Variants in PTPRG observed in about 807,000 individuals in gnomAD.
PTPRG encodes the protein receptor-type tyrosine-protein phosphatase gamma.
PTPRG carries 102 observed loss-of-function variants against 165.3 expected under a neutral mutation model. That is an observed-to-expected ratio of 0.62 (90% confidence interval 0.53 to 0.73). PTPRG has a LOEUF of 0.73. Among genes scored for constraint, PTPRG ranks in the 30% least tolerant of loss-of-function variants. The pLI, the probability that PTPRG is intolerant of heterozygous loss-of-function variation, is 0.00. For synonymous variants in PTPRG, 675 were observed against 669.5 expected (o/e 1.01, Z -0.13); for missense variants, 1,866 against 1,861.4 (o/e 1.00, Z -0.05).
At chr3:61,805,530 C>CAAAAAAAAAAAAAA (rs58646519) in intron 2 of PTPRG, among the ~76,000 whole-genome samples, 1 of 96,534 alleles carries the variant, frequency 1.0e-5, no homozygotes, top group Non-Finnish European at 2.3e-5. Context: ...ATGGGAAAGA[C>CAAAAAAAAAAAAAA]AAAAAAAAAA....
At chr3:61,625,004 T>A (rs949730771) in intron 1 of PTPRG, among the ~76,000 whole-genome samples, 3 of 152,014 alleles carry the variant, frequency 2.0e-5, no homozygotes, top group African/African-American at 7.2e-5. Flanking sequence ...TTTCTTTGGC[T>A]CGTGGATGGC....
intron 2 of PTPRG, among the ~76,000 whole-genome samples, chr3:61,892,090 G>A (rs1296447053): frequency 1.3e-5 from 2 of 152,204 alleles, no homozygotes; most frequent in East Asian, 3.9e-4. Context: ...TAATGGCTCT[G>A]TGAAGTAGTT....
At chr3:61,931,869 G>A (rs942900049) in intron 2 of PTPRG, among the ~76,000 whole-genome samples, 3 of 152,090 alleles carry the variant, frequency 2.0e-5, no homozygotes, top group Admixed American at 1.3e-4. Context: ...TAACAAAATC[G>A]TGTTTCTGTT....
At chr3:61,873,863 T>G (rs1331728541) in intron 2 of PTPRG, among the ~76,000 whole-genome samples, 1 of 152,130 alleles carries the variant, frequency 6.6e-6, no homozygotes, top group Non-Finnish European at 1.5e-5. Flanking sequence ...TTACTGGCTG[T>G]GAGATAGGAG....
In PTPRG at chr3:62,168,091, G is replaced by A. The variant is rs150839810; in HGVS notation, c.961G>A (p.Ala321Thr). Residue 321 changes from alanine (A) to threonine (T), a missense_variant, in exon 8 of 30, where the codon GCC becomes ACC. Physicochemically the swap from Ala to Thr is moderately conservative, Grantham distance 58 (BLOSUM62 0). Around this residue, in one of 3 missense-constraint regions of PTPRG, gnomAD observed 1,452 missense variants for 1,463.0 expected, o/e 0.99. Coordinates refer to ENST00000474889, the MANE Select transcript of PTPRG (RefSeq NM_002841.4). ...GCATGACAGGGTGGTGTCCAAGTCC[G>A]CCGTCCGTGACTCCTGGAACCACGA... is the stretch of plus-strand genomic sequence containing the variant. The part of the protein sequence containing the change: ...RLHDRVVSKS[A>T]VRDSWNHDMT... 35 of 1,614,002 alleles carry A rather than the reference G, an allele frequency of 2.2e-5. No individual in the cohort carries two copies. Among genetic ancestry groups the A allele is most frequent in the African/African-American group, 2.1e-4 (16 of 75,012 alleles).
At chr3:62,153,558 TA>T (rs374620146) in intron 6 of PTPRG, among the ~76,000 whole-genome samples, 17 of 147,002 alleles carry the variant, frequency 1.2e-4, no homozygotes, top group East Asian at 2.0e-4. Context: ...GTAATCCAGT[TA>T]AAAAAAAAAC....
At chr3:61,609,547 T>G (rs1204890745) in intron 1 of PTPRG, among the ~76,000 whole-genome samples, 1 of 152,216 alleles carries the variant, frequency 6.6e-6, no homozygotes, top group Non-Finnish European at 1.5e-5. Flanking sequence ...TTCCAGATGT[T>G]TCTTTCTTTT....
At chr3:61,664,528 G>C (rs945624863) in intron 1 of PTPRG, among the ~76,000 whole-genome samples, 1 of 152,128 alleles carries the variant, frequency 6.6e-6, no homozygotes. Context: ...ATTACTTTTG[G>C]CATTTAAAAA....
chr3:61,618,837 T>C (rs1022489090), intron 1 of PTPRG, among the ~76,000 whole-genome samples: 1 of 152,150 alleles, frequency 6.6e-6, no homozygotes, highest in Non-Finnish European at 1.5e-5. Flanking sequence ...ATCACACTTT[T>C]AGTGATCATA....
In PTPRG at chr3:61,803,608, C is replaced by T. The variant is rs2035324123; in HGVS notation, c.190+54626C>T. On this transcript the variant is annotated intron_variant, in intron 2 of 29. Coordinates refer to ENST00000474889, the MANE Select transcript of PTPRG (RefSeq NM_002841.4). Reference sequence around the variant, plus strand: ...CTGCATACTTGATGAGTTATTTTTTCCCCCAAAGGATTTTTGTTGTTGTTG... The same window carrying T: ...CTGCATACTTGATGAGTTATTTTTTTCCCCAAAGGATTTTTGTTGTTGTTG... Among the ~76,000 whole-genome samples, 3 of 144,630 alleles carry T rather than the reference C, an allele frequency of 2.1e-5. No individual in the cohort carries two copies. In the South Asian group the frequency reaches 6.7e-4, roughly 32 times the overall value. 94.9% of individuals were successfully genotyped at this position (144,630 alleles called of 152,430 possible). A position where few individuals can be genotyped will look rare whatever the true frequency, so the allele number is the denominator to read the frequency against.
intron 2 of PTPRG, among the ~76,000 whole-genome samples, chr3:61,929,079 A>G (rs1195606477): frequency 6.6e-6 from 1 of 152,198 alleles, no homozygotes; most frequent in Non-Finnish European, 1.5e-5. Context: ...GAAACCCTAG[A>G]GTGGCATAAC....
chr3:61,922,993 C>T (rs1340449039), intron 2 of PTPRG, among the ~76,000 whole-genome samples: 2 of 152,160 alleles, frequency 1.3e-5, no homozygotes, highest in African/African-American at 4.8e-5. Context: ...CCCTTATGCC[C>T]CACTACGCCT....
chr3:61,614,641 G>C (rs540727859), intron 1 of PTPRG, among the ~76,000 whole-genome samples: 1 of 152,078 alleles, frequency 6.6e-6, no homozygotes, highest in South Asian at 2.1e-4. Context: ...TGAACTCCTG[G>C]ATTCAAGCAA....
chr3:61,803,553 A>C (rs1279057485), intron 2 of PTPRG, among the ~76,000 whole-genome samples: 1 of 144,230 alleles, frequency 6.9e-6, no homozygotes, highest in African/African-American at 2.9e-5. Flanking sequence ...TGCAACCCAC[A>C]GTACTATTTC....
At chr3:61,789,668 T>A (rs1438745263) in intron 2 of PTPRG, among the ~76,000 whole-genome samples, 3 of 152,232 alleles carry the variant, frequency 2.0e-5, no homozygotes, top group African/African-American at 7.2e-5. Context: ...TATCTAAAGA[T>A]CAATGTGTCT....
At chr3:61,837,518 G>C (rs991918607) in intron 2 of PTPRG, among the ~76,000 whole-genome samples, 2 of 152,184 alleles carry the variant, frequency 1.3e-5, no homozygotes, top group Non-Finnish European at 2.9e-5. Flanking sequence ...ACTATTAAAG[G>C]CTGAATACGG....
intron 5 of PTPRG, among the ~76,000 whole-genome samples, chr3:62,104,085 T>C (rs1429492883): frequency 2.0e-5 from 3 of 152,242 alleles, no homozygotes; most frequent in African/African-American, 7.2e-5. Flanking sequence ...CTAAGCTTGC[T>C]GCTACATGGG....
At position 62,190,221 on chromosome 3, in the gene PTPRG, G is replaced by A. The variant is rs1321983874; in HGVS notation, c.1034-1248G>A. 1.3e-5 allele frequency among the ~76,000 whole-genome samples: 2 copies of A among 152,156 alleles called. No individual in the cohort carries two copies. The highest frequency in any genetic ancestry group is 2.9e-5 in the Non-Finnish European group (2 of 68,036). On this transcript the variant is annotated intron_variant, in intron 8 of 29. Coordinates refer to ENST00000474889, the MANE Select transcript of PTPRG (RefSeq NM_002841.4). This position sits in a 1 kb window ranked among gnomAD's most constrained non-coding sequence, Gnocchi z 5.2. The stretch of plus-strand genomic sequence containing the variant: ...TTTGGTTGTCACAAGTTGAGGACGG[G>A]GAGCAGAGCTACTGGCATCTAGCAG...
intron 5 of PTPRG, among the ~76,000 whole-genome samples, chr3:62,111,545 G>A (rs941400324): frequency 6.6e-6 from 1 of 152,116 alleles, no homozygotes; most frequent in Non-Finnish European, 1.5e-5. Context: ...GAGCCTCCTA[G>A]GCTCAAGGAA....
Sources: gnomAD v4.1 joint callset for allele counts (sites outside exome capture counted in the v4.1 genomes callset) on GRCh38, gnomAD v4.1.1 for gene constraint, gnomAD v4.1.1 regional missense constraint, Gnocchi (gnomAD v3.1) non-coding constraint, MANE v1.5 for transcripts, NCBI Gene and HGNC (gene_info 2026-07-23, HGNC 2026-07-21) for gene names.